SOX5: variants seen among roughly 807,000 people sequenced by gnomAD.
SOX5 encodes the protein SRY-box transcription factor 5.
SOX5 carries 9 observed loss-of-function variants against 92.0 expected under a neutral mutation model. The observed-to-expected ratio is 0.10, with a 90% CI of 0.06 to 0.17. SOX5 has a LOEUF of 0.17. SOX5 is among the 10% of genes least tolerant of loss of function. SOX5 has a pLI of 1.00. For synonymous variants in SOX5, 344 were observed against 336.3 expected (o/e 1.02, Z -0.25); for missense variants, 642 against 944.5 (o/e 0.68, Z 4.20).
At chr12:23,748,225 T>C (rs1328065652) in intron 4 of SOX5, among the ~76,000 whole-genome samples, 2 of 152,034 alleles carry the variant, frequency 1.3e-5, no homozygotes, top group African/African-American at 4.8e-5. Flanking sequence ...TTCAACACTG[T>C]ATTTCCAGTA....
chr12:23,913,087 T>A (rs2097369429), intron 1 of SOX5, among the ~76,000 whole-genome samples: 1 of 152,196 alleles, frequency 6.6e-6, no homozygotes, highest in Non-Finnish European at 1.5e-5. Flanking sequence ...AGATATTACC[T>A]AAGATGATAA....
At chr12:23,634,448 G>A (rs909591677) in intron 8 of SOX5, among the ~76,000 whole-genome samples, 2 of 152,014 alleles carry the variant, frequency 1.3e-5, no homozygotes, top group African/African-American at 2.4e-5. Flanking sequence ...TGAATGAAGT[G>A]AAAGAATTAG....
chr12:24,427,410 G>A (rs1966850001), intron 1 of SOX5, among the ~76,000 whole-genome samples: 1 of 152,148 alleles, frequency 6.6e-6, no homozygotes, highest in African/African-American at 2.4e-5. Context: ...GAGGATAATA[G>A]CAAATTTTTC....
At chr12:24,235,705 T>C (rs1478295582) in intron 3 of SOX5, among the ~76,000 whole-genome samples, 1 of 152,228 alleles carries the variant, frequency 6.6e-6, no homozygotes, top group Non-Finnish European at 1.5e-5. Flanking sequence ...ATTTCATATG[T>C]TAATGATACT....
At chr12:24,216,708 T>C (rs554887087) in intron 3 of SOX5, among the ~76,000 whole-genome samples, 17 of 152,082 alleles carry the variant, frequency 1.1e-4, no homozygotes, top group Non-Finnish European at 1.6e-4. Context: ...GGCGGATACC[T>C]TGAGGTTCAG....
chr12:24,078,428 T>C (rs1470850712), intron 4 of SOX5, among the ~76,000 whole-genome samples: 1 of 152,056 alleles, frequency 6.6e-6, no homozygotes, highest in African/African-American at 2.4e-5. Flanking sequence ...AGCAACTACA[T>C]AGAGTGAAGG....
intron 2 of SOX5, among the ~76,000 whole-genome samples, chr12:24,301,613 T>C (rs1180853316): frequency 6.6e-6 from 1 of 152,246 alleles, no homozygotes; most frequent in Non-Finnish European, 1.5e-5. Flanking sequence ...ATGAATATTT[T>C]GAATTATTCA....
intron 1 of SOX5, among the ~76,000 whole-genome samples, chr12:24,507,270 A>G (rs1948886882): frequency 6.6e-6 from 1 of 152,060 alleles, no homozygotes; most frequent in South Asian, 2.1e-4. Context: ...CAATGTTAAC[A>G]TCCTAAAAAT....
chr12:23,739,958 C>T (rs2093736714), intron 5 of SOX5, among the ~76,000 whole-genome samples: 1 of 152,070 alleles, frequency 6.6e-6, no homozygotes, highest in Admixed American at 6.6e-5. Flanking sequence ...TATTTAAGGG[C>T]TTTGTCTCTC....
At chr12:24,474,422 G>C (rs1945136166) in intron 1 of SOX5, among the ~76,000 whole-genome samples, 1 of 152,152 alleles carries the variant, frequency 6.6e-6, no homozygotes, top group African/African-American at 2.4e-5. Context: ...CCACCGGTGT[G>C]ATATCATTTG....
intron 3 of SOX5, among the ~76,000 whole-genome samples, chr12:23,791,015 T>C (rs1489529840): frequency 6.6e-6 from 1 of 152,102 alleles, no homozygotes; most frequent in Non-Finnish European, 1.5e-5. Flanking sequence ...TCTCAGTAAA[T>C]AACGTTACCA....
At chr12:23,978,910 C>T (rs1949209776) in intron 4 of SOX5, among the ~76,000 whole-genome samples, 1 of 152,098 alleles carries the variant, frequency 6.6e-6, no homozygotes, top group East Asian at 1.9e-4. Context: ...TCTCCTCTTC[C>T]CTCCTCCTTT....
At chr12:24,517,283 A>G (rs1227883340) in intron 1 of SOX5, among the ~76,000 whole-genome samples, 1 of 152,208 alleles carries the variant, frequency 6.6e-6, no homozygotes, top group Non-Finnish European at 1.5e-5. Context: ...AATCTACAAG[A>G]AGATCTAAAA....
intron 3 of SOX5, among the ~76,000 whole-genome samples, chr12:24,267,273 G>A (rs1003492301): frequency 6.6e-6 from 1 of 151,868 alleles, no homozygotes; most frequent in African/African-American, 2.4e-5. Flanking sequence ...TGTTGTGAGG[G>A]GAGTTAAATT....
intron 4 of SOX5, among the ~76,000 whole-genome samples, chr12:24,068,477 G>A (rs932554993): frequency 1.3e-5 from 2 of 151,762 alleles, no homozygotes; most frequent in Non-Finnish European, 2.9e-5. Flanking sequence ...TATATACTGT[G>A]ATGATAAATA....
At chr12:24,491,378 A>C (rs933561196) in intron 1 of SOX5, among the ~76,000 whole-genome samples, 5 of 152,066 alleles carry the variant, frequency 3.3e-5, no homozygotes, top group African/African-American at 9.7e-5. Flanking sequence ...AACCTCTTTT[A>C]CTATACCAAT....
At chr12:24,428,044 A>C (rs2067985206) in intron 1 of SOX5, among the ~76,000 whole-genome samples, 2 of 150,286 alleles carry the variant, frequency 1.3e-5, no homozygotes. Context: ...ACTGCATTCC[A>C]GATTTTTTTT....
chr12:24,234,771 A>G (rs1370972588), intron 3 of SOX5, among the ~76,000 whole-genome samples: 1 of 152,198 alleles, frequency 6.6e-6, no homozygotes, highest in East Asian at 1.9e-4. Flanking sequence ...GAGTTGTTAA[A>G]TGCTACAGTG....
intron 4 of SOX5, among the ~76,000 whole-genome samples, chr12:23,991,066 G>A (rs927068352): frequency 6.6e-6 from 1 of 151,462 alleles, no homozygotes; most frequent in Non-Finnish European, 1.5e-5. Flanking sequence ...TGCTATAGAA[G>A]TATAAGGCTG....
Sources: gnomAD v4.1 joint callset for allele counts (sites outside exome capture counted in the v4.1 genomes callset) on GRCh38, gnomAD v4.1.1 for gene constraint, MANE v1.5 for transcripts, NCBI Gene and HGNC (gene_info 2026-07-23, HGNC 2026-07-21) for gene names.